Variants in ANKS1B observed in about 807,000 individuals in gnomAD.
ANKS1B encodes ankyrin repeat and sterile alpha motif domain containing 1B, also known as ankyrin repeat and sterile alpha motif domain-containing protein 1B.
A neutral mutation model predicts 148.3 loss-of-function variants in ANKS1B; 36 were observed. That is an observed-to-expected ratio of 0.24 (90% CI 0.19 to 0.32). The LOEUF (loss-of-function observed/expected upper bound fraction) is 0.32. Among genes scored for constraint, ANKS1B ranks in the 10% least tolerant of loss-of-function variants. The pLI is 1.00. For missense variants in ANKS1B, 1,157 were observed against 1,542.6 expected (o/e 0.75, Z 4.19); for synonymous variants, 542 against 560.8 (o/e 0.97, Z 0.47).
At chr12:99,658,213 C>G (rs1270046739) in intron 8 of ANKS1B, among the ~76,000 whole-genome samples, 6 of 152,056 alleles carry the variant, frequency 3.9e-5, no homozygotes, top group Non-Finnish European at 7.4e-5. Context: ...TTCCAAATAC[C>G]CGCCTCACTA....
chr12:99,384,880 T>C (rs1338880308), intron 12 of ANKS1B, among the ~76,000 whole-genome samples: 2 of 152,198 alleles, frequency 1.3e-5, no homozygotes, highest in Non-Finnish European at 2.9e-5. Context: ...CACTATTATA[T>C]TATTTCCAGT....
intron 12 of ANKS1B, among the ~76,000 whole-genome samples, chr12:99,373,383 C>T (rs925172046): frequency 3.9e-5 from 6 of 152,110 alleles, no homozygotes; most frequent in African/African-American, 1.4e-4. Flanking sequence ...TTTGTTTTTG[C>T]TTGACTAGAA....
At chr12:98,930,567 T>A (rs1201606077) in intron 17 of ANKS1B, among the ~76,000 whole-genome samples, 1 of 152,104 alleles carries the variant, frequency 6.6e-6, no homozygotes, top group East Asian at 1.9e-4. Flanking sequence ...TACATAACTG[T>A]GGTGTATCTA....
At chr12:99,348,431 G>T (rs1384198974) in intron 12 of ANKS1B, among the ~76,000 whole-genome samples, 1 of 151,310 alleles carries the variant, frequency 6.6e-6, no homozygotes, top group African/African-American at 2.4e-5. Flanking sequence ...TTTAATAAAA[G>T]AAATAAATCT....
chr12:99,639,825 T>C (rs1410522694), intron 9 of ANKS1B, among the ~76,000 whole-genome samples: 1 of 152,176 alleles, frequency 6.6e-6, no homozygotes, highest in Non-Finnish European at 1.5e-5. Context: ...TACCCAGTCT[T>C]GGGCAGTTCT....
At chr12:99,066,750 T>A (rs954823826) in intron 16 of ANKS1B, among the ~76,000 whole-genome samples, 1 of 152,182 alleles carries the variant, frequency 6.6e-6, no homozygotes, top group Non-Finnish European at 1.5e-5. Context: ...AGTAGTTAGA[T>A]TCTGGGTATC....
chr12:99,494,814 G>A (rs2152978756), intron 10 of ANKS1B, among the ~76,000 whole-genome samples: 1 of 151,606 alleles, frequency 6.6e-6, no homozygotes, highest in Non-Finnish European at 1.5e-5. Context: ...TTCCTGAGGA[G>A]GAAAAGACCT....
intron 1 of ANKS1B, among the ~76,000 whole-genome samples, chr12:99,894,656 T>C (rs758682082): frequency 9.2e-5 from 13 of 141,172 alleles, no homozygotes; most frequent in Non-Finnish European, 1.8e-4. Flanking sequence ...CAGTACACTA[T>C]TCAATAAATT....
At chr12:99,804,598 A>G (rs973623985) in intron 4 of ANKS1B, among the ~76,000 whole-genome samples, 1 of 152,182 alleles carries the variant, frequency 6.6e-6, no homozygotes, top group African/African-American at 2.4e-5. Context: ...TCTCTGAACA[A>G]TTCCTAGGAA....
chr12:99,391,898 A>G (rs2094085145), intron 12 of ANKS1B, among the ~76,000 whole-genome samples: 1 of 152,250 alleles, frequency 6.6e-6, no homozygotes, highest in South Asian at 2.1e-4. Flanking sequence ...TGACAAGAAT[A>G]TAATTTACCA....
At chr12:99,628,509 C>T (rs2098130244) in intron 9 of ANKS1B, among the ~76,000 whole-genome samples, 1 of 152,126 alleles carries the variant, frequency 6.6e-6, no homozygotes, top group Admixed American at 6.6e-5. Flanking sequence ...AGCATTGTTG[C>T]CTTTTTTCTA....
At chr12:98,740,889 T>C (rs543667885), downstream of ANKS1B, among the ~76,000 whole-genome samples, 24 of 152,330 alleles carry the variant, frequency 1.6e-4, no homozygotes, top group South Asian at 6.2e-4. Context: ...TACCATCTTT[T>C]CTAATGCCTG....
At chr12:99,262,176 A>G (rs535348049) in intron 12 of ANKS1B, among the ~76,000 whole-genome samples, 2 of 152,240 alleles carry the variant, frequency 1.3e-5, no homozygotes, top group African/African-American at 4.8e-5. Flanking sequence ...ACCATTTTAA[A>G]TGGCAACCAC....
chr12:99,217,200 C>T (rs1309270617), intron 14 of ANKS1B, among the ~76,000 whole-genome samples: 1 of 152,070 alleles, frequency 6.6e-6, no homozygotes, highest in Non-Finnish European at 1.5e-5. Flanking sequence ...GTACGTTAAC[C>T]TCTCCATTTT....
chr12:99,922,313 C>G (rs1184424080), intron 1 of ANKS1B, among the ~76,000 whole-genome samples: 1 of 152,010 alleles, frequency 6.6e-6, no homozygotes, highest in Non-Finnish European at 1.5e-5. Flanking sequence ...ATTCTTCCAA[C>G]AGGTGATAAA....
At chr12:99,611,818 T>C (rs1000508395) in intron 9 of ANKS1B, among the ~76,000 whole-genome samples, 2 of 152,114 alleles carry the variant, frequency 1.3e-5, no homozygotes, top group African/African-American at 4.8e-5. Flanking sequence ...TCATACCTAA[T>C]GTACATTCCA....
chr12:99,908,292 T>C (rs1187938035), intron 1 of ANKS1B, among the ~76,000 whole-genome samples: 1 of 152,044 alleles, frequency 6.6e-6, no homozygotes, highest in Non-Finnish European at 1.5e-5. Context: ...CATTATCAAA[T>C]TAAGAGGCCA....
intron 17 of ANKS1B, among the ~76,000 whole-genome samples, chr12:98,849,826 T>C (rs2099512202): frequency 6.6e-6 from 1 of 152,216 alleles, no homozygotes; most frequent in Non-Finnish European, 1.5e-5. Context: ...TTCACTTCAA[T>C]ACAAAAGGGC....
At chr12:99,597,405 C>T (rs1290548862) in intron 9 of ANKS1B, among the ~76,000 whole-genome samples, 1 of 151,916 alleles carries the variant, frequency 6.6e-6, no homozygotes, top group African/African-American at 2.4e-5. Context: ...TAAGATTAAA[C>T]AAAGCCCAAC....
Sources: allele counts gnomAD v4.1 joint callset (sites outside exome capture counted in the v4.1 genomes callset), GRCh38; gene constraint gnomAD v4.1.1; transcripts MANE v1.5; gene names NCBI Gene and HGNC (gene_info 2026-07-23, HGNC 2026-07-21).